SLC38A11: variants seen among roughly 807,000 people sequenced by gnomAD.
SLC38A11 encodes putative sodium-coupled neutral amino acid transporter 11.
A neutral mutation model predicts 49.4 loss-of-function variants in SLC38A11; 51 were observed. The ratio of observed to expected loss-of-function variants is 1.03; its 90% confidence interval spans 0.83 to 1.30. The LOEUF (loss-of-function observed/expected upper bound fraction) is 1.30. Ranked by LOEUF, SLC38A11 falls within the 50% of genes most tolerant of loss-of-function variation. The probability of loss-of-function intolerance (pLI) is 0.00; values close to 1 mark genes in which losing one functional copy is unlikely to be tolerated. For missense variants in SLC38A11, 574 were observed against 556.2 expected (o/e 1.03, Z -0.32); for synonymous variants, 203 against 192.9 (o/e 1.05, Z -0.43).
intron 11 of SLC38A11, among the ~76,000 whole-genome samples, chr2:164,903,550 C>T (rs972374938): frequency 4.6e-5 from 7 of 152,108 alleles, no homozygotes; most frequent in Non-Finnish European, 1.0e-4. Context: ...AAGGTTGTTG[C>T]TAGAAGTCAA....
In SLC38A11 at chr2:164,955,460, T is replaced by C. The variant is rs1436617675; in HGVS notation, c.-213A>G. ...AGGCTGTGGCAGCCTGGGGCGCTTTTCCACCGGAGTTCGCCCAGACAAATG... is the reference window on the plus strand; with the variant it reads ...AGGCTGTGGCAGCCTGGGGCGCTTTCCCACCGGAGTTCGCCCAGACAAATG... On this transcript the variant is annotated 5_prime_UTR_variant, in exon 1 of 12. Coordinates refer to ENST00000685975, the MANE Select transcript of SLC38A11 (RefSeq NM_001351537.2). 1.8e-6 allele frequency: 1 copy of C among 556,114 alleles called. No homozygotes were observed. The allele number at this position is 556,114 out of a possible 1,614,324, so 34.4% of individuals were successfully genotyped here. A position where few individuals can be genotyped will look rare whatever the true frequency, so the allele number is the denominator to read the frequency against.
At chr2:164,937,666 T>C in intron 6 of SLC38A11, 1 of 325,296 alleles carries the variant, frequency 3.1e-6, no homozygotes, top group Non-Finnish European at 5.6e-6. Flanking sequence ...TACATGACTG[T>C]CATCACCATG....
At chr2:164,942,385 A>T (rs1285742497) in intron 5 of SLC38A11, among the ~76,000 whole-genome samples, 1 of 146,002 alleles carries the variant, frequency 6.8e-6, no homozygotes, top group East Asian at 2.1e-4. Context: ...CAGTGAGCCA[A>T]TTATGCCACT....
rs1251916821 is a variant in SLC38A11, at chr2:164,898,317, G to A, written c.*120C>T. On this transcript the variant is annotated 3_prime_UTR_variant, in exon 12 of 12. Coordinates refer to ENST00000685975, the MANE Select transcript of SLC38A11 (RefSeq NM_001351537.2). ...CTTTTATATTGCACTACTCATAAAA[G>A]CCAAGTCTTGATAAAAGCCAAAATA... 4 of 751,526 alleles carry A rather than the reference G, an allele frequency of 5.3e-6. No homozygotes were observed. Among genetic ancestry groups the A allele is most frequent in the African/African-American group, 3.6e-5 (2 of 56,022 alleles). 46.6% of individuals were successfully genotyped at this position (751,526 alleles called of 1,614,324 possible). A position where few individuals can be genotyped will look rare whatever the true frequency, so the allele number is the denominator to read the frequency against.
At chr2:164,949,445 A>T (rs943929331) in intron 3 of SLC38A11, among the ~76,000 whole-genome samples, 1 of 152,108 alleles carries the variant, frequency 6.6e-6, no homozygotes, top group African/African-American at 2.4e-5. Flanking sequence ...TTTAGTAGAG[A>T]CAGGGTTTCA....
At position 164,915,287 on chromosome 2, in the gene SLC38A11, A is replaced by T; in HGVS notation, c.689-14T>A. ...GGCAAATAAATGCTGCAATACAAAA[A>T]AAAAGAGCATTATTAAATCAAGCAC... On this transcript the variant is annotated splice_polypyrimidine_tract_variant and intron_variant, in intron 8 of 11. Transcript: ENST00000685975. The T allele has an allele frequency of 6.3e-7, 1 of 1,578,848 alleles. No homozygotes were observed. The highest frequency in any genetic ancestry group is 8.6e-7 in the Non-Finnish European group (1 of 1,168,720).
intron 3 of SLC38A11, among the ~76,000 whole-genome samples, chr2:164,948,067 C>A (rs1345118661): frequency 6.6e-6 from 1 of 152,110 alleles, no homozygotes; most frequent in Non-Finnish European, 1.5e-5. Flanking sequence ...CCCATTAATG[C>A]ATTTGGATAA....
chr2:164,937,032 G>T (rs991132745), intron 7 of SLC38A11, among the ~76,000 whole-genome samples: 3 of 152,042 alleles, frequency 2.0e-5, no homozygotes, highest in African/African-American at 7.2e-5. Flanking sequence ...TTTTATTTCA[G>T]TCTAAACTAC....
chr2:164,898,353 A>C lies in SLC38A11; in HGVS notation c.*84T>G. 1.0e-6 allele frequency: 1 copy of C among 1,001,968 alleles called. No individual in the cohort carries two copies. Among genetic ancestry groups the C allele is most frequent in the Non-Finnish European group, 1.4e-6 (1 of 693,314 alleles). The allele number at this position is 1,001,968 out of a possible 1,614,324, so 62.1% of individuals were successfully genotyped here. ...ATAAAAGCCAAAATAATAATTTTATATAACATAAATACAGACTAAAGCAAG... is the reference window on the plus strand; with the variant it reads ...ATAAAAGCCAAAATAATAATTTTATCTAACATAAATACAGACTAAAGCAAG... On this transcript the variant is annotated 3_prime_UTR_variant, in exon 12 of 12. Transcript: ENST00000685975.
intron 5 of SLC38A11, among the ~76,000 whole-genome samples, chr2:164,944,291 G>C (rs1314872483): frequency 3.3e-5 from 5 of 152,114 alleles, no homozygotes; most frequent in Non-Finnish European, 7.4e-5. Flanking sequence ...TTTGCCCAGA[G>C]AGCTGGTGAT....
chr2:164,936,717 C>T (rs1427920061), intron 7 of SLC38A11, among the ~76,000 whole-genome samples: 1 of 152,008 alleles, frequency 6.6e-6, no homozygotes, highest in Admixed American at 6.6e-5. Context: ...GGGGAATCTA[C>T]TATATAGGCA....
At chr2:164,930,302 C>A (rs868036393) in intron 7 of SLC38A11, among the ~76,000 whole-genome samples, 1 of 152,032 alleles carries the variant, frequency 6.6e-6, no homozygotes, top group African/African-American at 2.4e-5. Context: ...GAACGATTCA[C>A]GGCTGAATTC....
At chr2:164,954,915 A>G (rs1688748810) in intron 1 of SLC38A11, among the ~76,000 whole-genome samples, 170 bp from the exon 2 acceptor site, 1 of 152,224 alleles carries the variant, frequency 6.6e-6, no homozygotes, top group South Asian at 2.1e-4. Flanking sequence ...AATAACAGCT[A>G]GTAATTCAAC....
chr2:164,922,647 GA>G (rs1350771103), intron 7 of SLC38A11, among the ~76,000 whole-genome samples: 1 of 152,072 alleles, frequency 6.6e-6, no homozygotes, highest in Non-Finnish European at 1.5e-5. Context: ...ATCATTAAAA[GA>G]ACTATACTAC....
chr2:164,950,642 T>C (rs2105519542), intron 3 of SLC38A11, among the ~76,000 whole-genome samples: 1 of 152,264 alleles, frequency 6.6e-6, no homozygotes, highest in Non-Finnish European at 1.5e-5. Flanking sequence ...GCTCAGACAA[T>C]AAAAATTATT....
chr2:164,935,840 G>T (rs1237869741), intron 7 of SLC38A11, among the ~76,000 whole-genome samples: 1 of 152,048 alleles, frequency 6.6e-6, no homozygotes, highest in African/African-American at 2.4e-5. Flanking sequence ...TTAGATAAAC[G>T]CATGAGGGAA....
intron 7 of SLC38A11, among the ~76,000 whole-genome samples, chr2:164,920,543 T>C (rs1686117608): frequency 2.0e-5 from 2 of 101,648 alleles, no homozygotes; most frequent in African/African-American, 2.9e-5. Flanking sequence ...AGAAGAGATA[T>C]CCGAGGAGAA....
intron 3 of SLC38A11, 41 bp from the exon 4 acceptor site, chr2:164,945,768 T>C (rs908909916): frequency 6.4e-7 from 1 of 1,569,384 alleles, no homozygotes; most frequent in African/African-American, 1.4e-5. Context: ...TTACATGTAA[T>C]ACAAATATTT....
chr2:164,907,270 C>CTTTTTTTTT (rs60527900), intron 11 of SLC38A11, among the ~76,000 whole-genome samples: 21 of 97,914 alleles, frequency 2.1e-4, no homozygotes, highest in East Asian at 7.1e-4. Context: ...CTTCTTTTCT[C>CTTTTTTTTT]TTTTTTTTTT....
Sources: gnomAD v4.1 joint callset for allele counts (sites outside exome capture counted in the v4.1 genomes callset) on GRCh38, gnomAD v4.1.1 for gene constraint, MANE v1.5 for transcripts, NCBI Gene and HGNC (gene_info 2026-07-23, HGNC 2026-07-21) for gene names.